RAB3GAP2: variants seen among roughly 807,000 people sequenced by gnomAD.
RAB3GAP2 encodes rab3 GTPase-activating protein non-catalytic subunit.
RAB3GAP2 carries 87 observed loss-of-function variants against 185.3 expected under a neutral mutation model. The ratio of observed to expected loss-of-function variants is 0.47; its 90% CI spans 0.39 to 0.56. The LOEUF (loss-of-function observed/expected upper bound fraction) is 0.56, where lower values mean the gene tolerates loss of function less well. RAB3GAP2 is among the 20% of genes least tolerant of loss of function. The probability of loss-of-function intolerance (pLI) is 0.00; values close to 1 mark genes in which losing one functional copy is unlikely to be tolerated. For missense variants in RAB3GAP2, 1,492 were observed against 1,638.2 expected (o/e 0.91, Z 1.54); for synonymous variants, 554 against 576.1 (o/e 0.96, Z 0.55).
At chr1:220,173,383 A>T (rs1288960399) in intron 21 of RAB3GAP2, among the ~76,000 whole-genome samples, 1 of 152,234 alleles carries the variant, frequency 6.6e-6, no homozygotes, top group Non-Finnish European at 1.5e-5. Flanking sequence ...AAGTTTAATG[A>T]AATGGTGTTA....
At chr1:220,267,052 A>C in intron 1 of RAB3GAP2, 2 of 1,609,524 alleles carry the variant, frequency 1.2e-6, no homozygotes, top group Non-Finnish European at 1.7e-6. Flanking sequence ...GGTGCCACAG[A>C]GAGTGGTCCT....
rs1659595137 is a variant in RAB3GAP2 at position 220,236,568 on chromosome 1, A to G, written c.116-3705T>C. Among the ~76,000 whole-genome samples the G allele has an allele frequency of 3.9e-5, 6 of 152,270 alleles. No homozygotes were observed. The South Asian group carries it at 1.2e-3, about 32-fold the overall frequency. ...CATTTGAGAATATTTGCAAGGAGGT[A>G]GTGGACAGCAATTTTCAGCTATTAA... On this transcript the variant is annotated intron_variant, in intron 1 of 34. Transcript: ENST00000358951.
chr1:220,264,736 C>G (rs1033480658), intron 1 of RAB3GAP2, among the ~76,000 whole-genome samples: 1 of 151,952 alleles, frequency 6.6e-6, no homozygotes, highest in African/African-American at 2.4e-5. Context: ...TTCTCTCCAT[C>G]TGATGGACAT....
chr1:220,164,268 C>T (rs1375830614), intron 27 of RAB3GAP2, among the ~76,000 whole-genome samples: 3 of 151,974 alleles, frequency 2.0e-5, no homozygotes, highest in Non-Finnish European at 4.4e-5. Flanking sequence ...ATGAAGGCAG[C>T]TGTTCTGCAT....
chr1:220,232,754 A>C, intron 2 of RAB3GAP2, 45 bp downstream of exon 2: 1 of 1,488,974 alleles, frequency 6.7e-7, no homozygotes. Context: ...TTACAAAAGG[A>C]AAATGCCACT....
chr1:220,194,985 A>T lies in RAB3GAP2; in HGVS notation c.1130+93T>A. The T allele has an allele frequency of 3.2e-6, 4 of 1,263,254 alleles. No individual in the cohort carries two copies. The South Asian group carries it at 4.8e-5, about 15-fold the overall frequency. 78.3% of individuals were successfully genotyped at this position (1,263,254 alleles called of 1,614,324 possible). A position where few individuals can be genotyped will look rare whatever the true frequency, so the allele number is the denominator to read the frequency against. On this transcript the variant is annotated intron_variant, in intron 12 of 34. Coordinates refer to ENST00000358951, the MANE Select transcript of RAB3GAP2 (RefSeq NM_012414.4). ...AATGGCTTTCAGAAGTTCCAAAGAC[A>T]AGATCAGCAAATCAACCAAGCACAC...
At chr1:220,167,225 G>A (rs543656901) in intron 26 of RAB3GAP2, 68 bp downstream of exon 26, 43 of 1,351,442 alleles carry the variant, frequency 3.2e-5, no homozygotes, top group East Asian at 1.2e-4. Context: ...TTAATTAGAC[G>A]GTCCCCATAT....
At chr1:220,200,254 C>G (rs1342538107) in intron 9 of RAB3GAP2, among the ~76,000 whole-genome samples, 1 of 152,200 alleles carries the variant, frequency 6.6e-6, no homozygotes, top group African/African-American at 2.4e-5. Flanking sequence ...AAGTCTCAGT[C>G]TGAATGTCAT....
intron 1 of RAB3GAP2, among the ~76,000 whole-genome samples, chr1:220,243,439 G>C (rs1335483446): frequency 6.6e-6 from 1 of 151,918 alleles, no homozygotes; most frequent in African/African-American, 2.4e-5. Context: ...TTCCCTCTGA[G>C]GTATGTACTA....
At chr1:220,247,321 C>G (rs1659838809) in intron 1 of RAB3GAP2, among the ~76,000 whole-genome samples, 2 of 152,158 alleles carry the variant, frequency 1.3e-5, no homozygotes, top group African/African-American at 4.8e-5. Flanking sequence ...TATAGCAGCA[C>G]AATTCACAAC....
At chr1:220,234,610 G>A (rs187122937) in intron 1 of RAB3GAP2, among the ~76,000 whole-genome samples, 14 of 152,270 alleles carry the variant, frequency 9.2e-5, no homozygotes, top group Admixed American at 8.5e-4. Flanking sequence ...AACACCATGT[G>A]GCAAATCCTG....
chr1:220,191,616 C>G (rs1209301450), intron 13 of RAB3GAP2, among the ~76,000 whole-genome samples: 1 of 151,676 alleles, frequency 6.6e-6, no homozygotes, highest in African/African-American at 2.4e-5. Context: ...GTCAGGAGTT[C>G]GAGACCAGCC....
intron 23 of RAB3GAP2, among the ~76,000 whole-genome samples, chr1:220,171,502 CA>C (rs1658177179): frequency 6.6e-6 from 1 of 152,164 alleles, no homozygotes; most frequent in African/African-American, 2.4e-5. Context: ...CATCTCTCTC[CA>C]TCATAATGAA....
chr1:220,196,599 G>C (rs1442110525), intron 9 of RAB3GAP2, among the ~76,000 whole-genome samples: 4 of 152,042 alleles, frequency 2.6e-5, no homozygotes, highest in African/African-American at 4.8e-5. Flanking sequence ...CGGAGGCCAA[G>C]GCAGTTGGAT....
At chr1:220,170,275 G>T (rs1016147216) in intron 24 of RAB3GAP2, among the ~76,000 whole-genome samples, 1 of 152,166 alleles carries the variant, frequency 6.6e-6, no homozygotes, top group African/African-American at 2.4e-5. Flanking sequence ...GGGGGATTGC[G>T]GGGCTAGGGA....
At chr1:220,224,543 T>C (rs1659369308) in intron 2 of RAB3GAP2, among the ~76,000 whole-genome samples, 1 of 152,006 alleles carries the variant, frequency 6.6e-6, no homozygotes, top group Admixed American at 6.6e-5. Flanking sequence ...AGTAGAATAA[T>C]GTGTAAAATT....
intron 2 of RAB3GAP2, among the ~76,000 whole-genome samples, chr1:220,215,374 T>G (rs1659172229): frequency 6.6e-6 from 1 of 152,196 alleles, no homozygotes; most frequent in Non-Finnish European, 1.5e-5. Context: ...TTTCAAAAAA[T>G]ATTTTAATGG....
chr1:220,206,103 C>T, intron 7 of RAB3GAP2, 97 bp from the exon 8 acceptor site: 2 of 766,814 alleles, frequency 2.6e-6, no homozygotes, highest in Non-Finnish European at 4.3e-6. Context: ...ACATAACCAC[C>T]CAACACCCAA....
chr1:220,190,585 T>C, intron 14 of RAB3GAP2, 65 bp from the exon 15 acceptor site: 2 of 1,496,504 alleles, frequency 1.3e-6, no homozygotes, highest in South Asian at 2.3e-5. Flanking sequence ...AAAGGTGCTT[T>C]TATTATAGCT....
Sources: allele counts gnomAD v4.1 joint callset (sites outside exome capture counted in the v4.1 genomes callset), GRCh38; gene constraint gnomAD v4.1.1; transcripts MANE v1.5; gene names NCBI Gene and HGNC (gene_info 2026-07-23, HGNC 2026-07-21).